ASPSCR1: variants seen among roughly 807,000 people sequenced by gnomAD.
ASPSCR1 encodes ASPSCR1 tether for SLC2A4, UBX domain containing.
ASPSCR1 carries 55 observed loss-of-function variants against 68.9 expected under a neutral mutation model. That is an observed-to-expected ratio of 0.80 (90% CI 0.64 to 1.00). The LOEUF is 1.00. Among genes scored for constraint, ASPSCR1 ranks in the 50% least tolerant of loss-of-function variants. ASPSCR1 has a pLI of 0.00. For synonymous variants in ASPSCR1, 352 were observed against 332.6 expected (o/e 1.06, Z -0.63); for missense variants, 765 against 762.2 (o/e 1.00, Z -0.04).
In ASPSCR1 at chr17:82,015,197, G is replaced by C. The variant is rs753990353; in HGVS notation, c.1354-1279G>C. ...ATGGAGGCGACGTGGACTCTGGGAG[G>C]CTTCTTTTTTGGGGTCCATCCAGAG... is the stretch of plus-strand genomic sequence containing the variant. On this transcript the variant is annotated intron_variant, in intron 12 of 15. Coordinates refer to ENST00000306739, the MANE Select transcript of ASPSCR1 (RefSeq NM_024083.4). The C allele has an allele frequency of 5.0e-6, 8 of 1,598,272 alleles. 1 individual carries two copies. Among genetic ancestry groups the C allele is most frequent in the South Asian group, 3.3e-5 (3 of 91,088 alleles).
At position 82,009,557 on chromosome 17, in the gene ASPSCR1, G is replaced by A. The variant is rs1249773314; in HGVS notation, c.1160G>A (p.Arg387His). Reference sequence around the variant, plus strand: ...GCGCAGATAAAGGAGAAGCTGGAGCGCTACCCAAAGGTCTGCAGACAGGAT... The same window carrying A: ...GCGCAGATAAAGGAGAAGCTGGAGCACTACCCAAAGGTCTGCAGACAGGAT... ...REAQIKEKLE[R>H]YPKVALRVLF... The change falls in exon 9 of 16, where the codon CGC becomes CAC. Residue 387 changes from arginine to histidine, a missense_variant. Transcript: ENST00000306739. 6.3e-6 allele frequency: 10 copies of A among 1,580,818 alleles called. No homozygotes were observed. The highest frequency in any genetic ancestry group is 1.8e-4 in the Middle Eastern group (1 of 5,682).
rs2042010198 is a variant in ASPSCR1, at chr17:81,986,911, C to T, written c.374+1304C>T. On this transcript the variant is annotated intron_variant, in intron 4 of 15. Coordinates refer to ENST00000306739, the MANE Select transcript of ASPSCR1 (RefSeq NM_024083.4). The surrounding 1 kb of genome is among the most constrained non-coding windows in gnomAD (Gnocchi z 5.2). ...TCAGTGGTCATGGGGATGGAAGCCA[C>T]CCCAGTGGCTGTCGGGGTGAATGGA... Among the ~76,000 whole-genome samples, 1 of 152,156 alleles carries T rather than the reference C, an allele frequency of 6.6e-6. No homozygotes were observed. Among genetic ancestry groups the T allele is most frequent in the African/African-American group, 2.4e-5 (1 of 41,440 alleles).
Position 81,983,805 on chromosome 17 carries a change from T to G in ASPSCR1, c.273+137T>G. ...AGCACCAGTTCTGCCTTCCCTGGGT[T>G]GGGCCCAAACAGCTTCCTGTTTTTT... On this transcript the variant is annotated intron_variant, in intron 3 of 15. Transcript: ENST00000306739. This position sits in a 1 kb window ranked among gnomAD's most constrained non-coding sequence, Gnocchi z 4.4. 1 of 697,032 alleles carries G rather than the reference T, an allele frequency of 1.4e-6. No individual in the cohort carries two copies. The highest frequency in any genetic ancestry group is 1.8e-5 in the South Asian group (1 of 55,360). 43.2% of individuals were successfully genotyped at this position (697,032 alleles called of 1,614,324 possible). A position where few individuals can be genotyped will look rare whatever the true frequency, so the allele number is the denominator to read the frequency against.
At chr17:81,984,996 C>A (rs1307734569) in intron 3 of ASPSCR1, among the ~76,000 whole-genome samples, 4 of 103,982 alleles carry the variant, frequency 3.8e-5, no homozygotes, top group African/African-American at 9.3e-5. Context: ...GCGTGCACAC[C>A]CCCCCACACA....
intron 7 of ASPSCR1, among the ~76,000 whole-genome samples, chr17:82,000,552 T>TG (rs1361737180): frequency 2.6e-5 from 4 of 152,208 alleles, no homozygotes; most frequent in African/African-American, 4.8e-5. Flanking sequence ...AGAACTTTTT[T>TG]GGGGAACTTC....
intron 7 of ASPSCR1, among the ~76,000 whole-genome samples, chr17:82,003,592 G>C (rs750048353): frequency 6.6e-6 from 1 of 152,238 alleles, no homozygotes; most frequent in African/African-American, 2.4e-5. Flanking sequence ...GGTGGGATTC[G>C]AGGCCTGATG....
At chr17:81,993,315 G>A (rs1299734834) in intron 4 of ASPSCR1, among the ~76,000 whole-genome samples, 1 of 152,102 alleles carries the variant, frequency 6.6e-6, no homozygotes, top group South Asian at 2.1e-4. Flanking sequence ...CTGGGTTCAC[G>A]CCATTCTCCT....
chr17:82,000,462 C>A (rs760235090), intron 7 of ASPSCR1, among the ~76,000 whole-genome samples: 1 of 152,096 alleles, frequency 6.6e-6, no homozygotes, highest in East Asian at 1.9e-4. Context: ...CGCCGCCAGC[C>A]GCACACGCAG....
At chr17:82,002,500 T>C (rs1380380162) in intron 7 of ASPSCR1, among the ~76,000 whole-genome samples, 1 of 151,862 alleles carries the variant, frequency 6.6e-6, no homozygotes, top group African/African-American at 2.4e-5. Flanking sequence ...GGTGATCCAC[T>C]TGCATCGGCC....
At chr17:81,985,249 T>C (rs150701474) in intron 3 of ASPSCR1, among the ~76,000 whole-genome samples, 2 of 149,722 alleles carry the variant, frequency 1.3e-5, no homozygotes, top group African/African-American at 2.5e-5. Flanking sequence ...CACACACACA[T>C]ATGCACACAC....
At chr17:81,994,695 G>A (rs2042278494) in intron 4 of ASPSCR1, 126 bp from the exon 5 acceptor site, 19 of 953,362 alleles carry the variant, frequency 2.0e-5, no homozygotes, top group South Asian at 4.2e-5. Flanking sequence ...GGCCTGGGAC[G>A]CTGTCCTGGG....
rs537322618 is a variant in ASPSCR1, at chr17:81,987,390, G to A, written c.374+1783G>A. Among the ~76,000 whole-genome samples the A allele has an allele frequency of 1.3e-5, 2 of 152,314 alleles. No individual in the cohort carries two copies. The highest frequency in any genetic ancestry group is 2.1e-4 in the South Asian group (1 of 4,828). ...GAGGGCAAGAAGAAAACCAAACAGC[G>A]CGGGGAACAGAAGTCAGGAAAGATG... On this transcript the variant is annotated intron_variant, in intron 4 of 15. Coordinates refer to ENST00000306739, the MANE Select transcript of ASPSCR1 (RefSeq NM_024083.4). The surrounding 1 kb of genome is among the most constrained non-coding windows in gnomAD (Gnocchi z 5.6).
chr17:82,007,141 C>T (rs1208389227), intron 7 of ASPSCR1: 1 of 152,306 alleles, frequency 6.6e-6, no homozygotes, highest in African/African-American at 2.4e-5. Flanking sequence ...GCCGCTTATC[C>T]AGCCTGACCC....
At chr17:81,981,493 C>T (rs1195841297) in intron 2 of ASPSCR1, among the ~76,000 whole-genome samples, 1 of 152,204 alleles carries the variant, frequency 6.6e-6, no homozygotes, top group African/African-American at 2.4e-5. Context: ...ATTCTTCTGC[C>T]TCAGCCTCCC....
rs564982908 is a variant in ASPSCR1 at position 81,997,289 on chromosome 17, C to T, written c.933+443C>T. Among the ~76,000 whole-genome samples, 14 of 152,232 alleles carry T rather than the reference C, an allele frequency of 9.2e-5. No homozygotes were observed. The South Asian group carries it at 2.9e-3, about 32-fold the overall frequency. ...GGTCACATTTACATCCACTCAACTA[C>T]ATGCACGTTAAGGGGTGGGGCATTC... On this transcript the variant is annotated intron_variant, in intron 7 of 15. Transcript: ENST00000306739.
intron 7 of ASPSCR1, among the ~76,000 whole-genome samples, chr17:81,998,828 A>T (rs1049967633): frequency 6.6e-6 from 1 of 152,238 alleles, no homozygotes; most frequent in Non-Finnish European, 1.5e-5. Context: ...GCCACTGCTC[A>T]CTGCAGACTA....
At chr17:82,001,120 G>C (rs1598415135) in intron 7 of ASPSCR1, among the ~76,000 whole-genome samples, 1 of 152,140 alleles carries the variant, frequency 6.6e-6, no homozygotes, top group African/African-American at 2.4e-5. Context: ...GGGCGGGGAG[G>C]AGCCTGTCCC....
intron 7 of ASPSCR1, among the ~76,000 whole-genome samples, chr17:82,000,754 A>G (rs1038299566): frequency 2.0e-5 from 3 of 152,156 alleles, no homozygotes; most frequent in African/African-American, 7.2e-5. Flanking sequence ...ATTAATTATT[A>G]GAAGGTAGTT....
chr17:82,011,468 G>A (rs937260650), intron 10 of ASPSCR1, 75 bp from the exon 11 acceptor site: 2 of 1,387,782 alleles, frequency 1.4e-6, no homozygotes, highest in Non-Finnish European at 2.0e-6. Context: ...GGTGGGAGCA[G>A]TGGCCCAGGT....
Sources: gnomAD v4.1 joint callset for allele counts (sites outside exome capture counted in the v4.1 genomes callset) on GRCh38, gnomAD v4.1.1 for gene constraint, Gnocchi (gnomAD v3.1) non-coding constraint, MANE v1.5 for transcripts, NCBI Gene and HGNC (gene_info 2026-07-23, HGNC 2026-07-21) for gene names.